TENM4: variants seen among roughly 807,000 people sequenced by gnomAD.
The protein encoded by TENM4 is teneurin-4.
In TENM4, 82 loss-of-function variants were observed where a neutral mutation model predicts 243.3. That is an observed-to-expected ratio of 0.34 (90% CI 0.28 to 0.40). The LOEUF (loss-of-function observed/expected upper bound fraction) is 0.40, where lower values mean the gene tolerates loss of function less well. Ranked by LOEUF, TENM4 falls within the 10% of genes least tolerant of loss-of-function variation. The pLI, the probability that TENM4 is intolerant of heterozygous loss-of-function variation, is 1.00. For missense variants in TENM4, 3,138 were observed against 3,673.3 expected (o/e 0.85, Z 3.77); for synonymous variants, 1,412 against 1,456.3 (o/e 0.97, Z 0.69).
Position 79,440,012 on chromosome 11 carries a change from C to G in TENM4, c.-321+497G>C, listed in dbSNP as rs941500518. Among the ~76,000 whole-genome samples, 1 of 152,052 alleles carries G rather than the reference C, an allele frequency of 6.6e-6. No homozygotes were observed. Among genetic ancestry groups the G allele is most frequent in the African/African-American group, 2.4e-5 (1 of 41,440 alleles). ...CAGGATCTGAGCTCCAACCACCGCC[C>G]GTGCGGGGCTGCTGCAGCCGGCACT... On this transcript the variant is annotated intron_variant, in intron 1 of 33. Transcript: ENST00000278550. The surrounding 1 kb of genome is among the most constrained non-coding windows in gnomAD (Gnocchi z 4.7).
intron 6 of TENM4, among the ~76,000 whole-genome samples, chr11:79,004,290 A>T (rs564809581): frequency 1.7e-4 from 26 of 152,304 alleles, no homozygotes; most frequent in Non-Finnish European, 2.5e-4. Flanking sequence ...GACCAAATGG[A>T]CCTAACAGAT....
Position 79,132,503 on chromosome 11 carries a change from T to C in TENM4, c.-66+16207A>G, listed in dbSNP as rs1276397773. On this transcript the variant is annotated intron_variant, in intron 4 of 33. Transcript: ENST00000278550. ...ACCTTGGAACAAATGGACTTAATAG[T>C]TATATACAGAACATTTCATCCAACA... is the stretch of plus-strand genomic sequence containing the variant. 2.0e-5 allele frequency among the ~76,000 whole-genome samples: 3 copies of C among 151,932 alleles called. No homozygotes were observed. In the East Asian group the frequency reaches 5.8e-4, roughly 29 times the overall value.
At chr11:78,885,920 C>T (rs751959817) in intron 9 of TENM4, among the ~76,000 whole-genome samples, 22 of 151,144 alleles carry the variant, frequency 1.5e-4, no homozygotes, top group Admixed American at 6.6e-4. Flanking sequence ...GTGAGACCCC[C>T]ATCTCTACAC....
chr11:79,097,480 C>T (rs1457040411), intron 4 of TENM4: 1 of 152,176 alleles, frequency 6.6e-6, no homozygotes, highest in Non-Finnish European at 1.5e-5. Flanking sequence ...GGCCCAGGAA[C>T]CCAGCCTCAA....
At chr11:78,768,042 C>T (rs1856572493) in intron 18 of TENM4, among the ~76,000 whole-genome samples, 1 of 152,206 alleles carries the variant, frequency 6.6e-6, no homozygotes, top group South Asian at 2.1e-4. Flanking sequence ...CTTCCTCTCT[C>T]CCTCCACTAA....
chr11:79,366,930 C>T (rs1406583561), intron 1 of TENM4, among the ~76,000 whole-genome samples: 2 of 152,198 alleles, frequency 1.3e-5, no homozygotes, highest in Non-Finnish European at 2.9e-5. Flanking sequence ...AGCCTAGTCA[C>T]CCATTCACAG....
chr11:79,407,032 C>A (rs1172125674), intron 1 of TENM4, among the ~76,000 whole-genome samples: 3 of 152,160 alleles, frequency 2.0e-5, no homozygotes, highest in Admixed American at 2.0e-4. Flanking sequence ...TGCCCCTGAC[C>A]CCCAACCTGT....
intron 19 of TENM4, among the ~76,000 whole-genome samples, chr11:78,747,792 C>T (rs1856086007): frequency 6.6e-6 from 1 of 152,232 alleles, no homozygotes; most frequent in Non-Finnish European, 1.5e-5. Context: ...ACATGGCTCT[C>T]TAAATATTTT....
At chr11:79,128,944 G>T (rs571846013) in intron 4 of TENM4, among the ~76,000 whole-genome samples, 1 of 152,166 alleles carries the variant, frequency 6.6e-6, no homozygotes, top group Non-Finnish European at 1.5e-5. Flanking sequence ...GCTCCAGATT[G>T]ACTACAAGAA....
intron 2 of TENM4, among the ~76,000 whole-genome samples, chr11:79,274,750 T>C (rs778010480): frequency 4.6e-5 from 7 of 152,140 alleles, no homozygotes; most frequent in Non-Finnish European, 1.0e-4. Context: ...CCTGTTGTAG[T>C]AGAGAGGATG....
At chr11:79,173,789 C>T (rs571180710) in intron 3 of TENM4, among the ~76,000 whole-genome samples, 48 of 152,190 alleles carry the variant, frequency 3.2e-4, no homozygotes, top group Non-Finnish European at 6.3e-4. Flanking sequence ...GTGCAGTTGC[C>T]GCCTGAGCAA....
intron 4 of TENM4, among the ~76,000 whole-genome samples, chr11:79,078,999 T>A (rs970613691): frequency 1.5e-4 from 23 of 152,236 alleles, no homozygotes; most frequent in Non-Finnish European, 2.9e-4. Context: ...TCACCTTTTT[T>A]AAAAAACATT....
At chr11:79,047,331 T>C (rs1452545216) in intron 6 of TENM4, among the ~76,000 whole-genome samples, 1 of 152,174 alleles carries the variant, frequency 6.6e-6, no homozygotes, top group Non-Finnish European at 1.5e-5. Context: ...CTCTAGATAT[T>C]GAGTTTCATG....
chr11:78,657,083 C>T lies in TENM4; in HGVS notation c.*975G>A, dbSNP rs1857914155. On this transcript the variant is annotated 3_prime_UTR_variant, in exon 34 of 34. Transcript: ENST00000278550. ...AGGCTGGTGCCCTCGCCACCACTGC[C>T]ATGCCTTTGCCATGGGTGGCCTTCT... is the stretch of plus-strand genomic sequence containing the variant. 2 of 398,576 alleles carry T rather than the reference C, an allele frequency of 5.0e-6. No individual in the cohort carries two copies. The highest frequency in any genetic ancestry group is 2.1e-5 in the African/African-American group (1 of 48,638). 24.7% of individuals were successfully genotyped at this position (398,576 alleles called of 1,614,324 possible).
rs1196423078 is a variant in TENM4 at position 78,787,090 on chromosome 11, G to A, written c.2180-7C>T. 6.5e-7 allele frequency: 1 copy of A among 1,537,834 alleles called. No individual in the cohort carries two copies. Among genetic ancestry groups the A allele is most frequent in the Admixed American group, 2.0e-5 (1 of 50,392 alleles). ...CAGTCGGCAGCACAGATCTCTGTGG[G>A]GAGGAGCAGAAGAAGGGAGGACACC... On this transcript the variant is annotated splice_polypyrimidine_tract_variant and splice_region_variant and intron_variant, in intron 15 of 33. Transcript: ENST00000278550.
At chr11:79,151,408 T>C (rs1196013113) in intron 3 of TENM4, among the ~76,000 whole-genome samples, 1 of 152,136 alleles carries the variant, frequency 6.6e-6, no homozygotes, top group Admixed American at 6.5e-5. Context: ...ACAAGAAGCA[T>C]CCAGACAAAG....
intron 4 of TENM4, among the ~76,000 whole-genome samples, chr11:79,139,703 A>ATAT (rs1565220656): frequency 1.2e-5 from 1 of 82,988 alleles, no homozygotes; most frequent in Non-Finnish European, 2.1e-5. Context: ...TATATATAAT[A>ATAT]TTTATATAAG....
At chr11:79,298,331 A>G (rs1224518786) in intron 1 of TENM4, among the ~76,000 whole-genome samples, 1 of 151,552 alleles carries the variant, frequency 6.6e-6, no homozygotes. Flanking sequence ...CTGGCTAACA[A>G]GGTGAAACCC....
intron 9 of TENM4, among the ~76,000 whole-genome samples, chr11:78,876,428 T>G (rs1859270148): frequency 6.6e-6 from 1 of 152,254 alleles, no homozygotes; most frequent in Non-Finnish European, 1.5e-5. Flanking sequence ...CTGATACAGA[T>G]GCAGAAATAT....
Sources: allele counts gnomAD v4.1 joint callset (sites outside exome capture counted in the v4.1 genomes callset), GRCh38; gene constraint gnomAD v4.1.1; non-coding constraint Gnocchi (gnomAD v3.1); transcripts MANE v1.5; gene names NCBI Gene and HGNC (gene_info 2026-07-23, HGNC 2026-07-21).